Variants in ZFYVE28 observed in about 807,000 individuals in gnomAD.
The protein encoded by ZFYVE28 is lateral signaling target protein 2 homolog.
In ZFYVE28, 40 loss-of-function variants were observed where a neutral mutation model predicts 82.1. The ratio of observed to expected loss-of-function variants is 0.49; its 90% CI spans 0.38 to 0.63. The LOEUF (loss-of-function observed/expected upper bound fraction) is 0.63. ZFYVE28 is among the 30% of genes least tolerant of loss of function. ZFYVE28 has a pLI of 0.00. For synonymous variants in ZFYVE28, 612 were observed against 546.1 expected, an observed-to-expected ratio of 1.12 and a Z score of -1.68; for missense variants, 1,321 against 1,242.1, an observed-to-expected ratio of 1.06 and a Z score of -0.96.
chr4:2,303,018 G>A (rs187960218), intron 8 of ZFYVE28, among the ~76,000 whole-genome samples: 1 of 152,314 alleles, frequency 6.6e-6, no homozygotes, highest in East Asian at 1.9e-4. Context: ...ACGTGAATGT[G>A]TTAACAGGAA....
intron 7 of ZFYVE28, among the ~76,000 whole-genome samples, chr4:2,310,831 CT>C (rs1036429146): frequency 6.6e-6 from 1 of 152,034 alleles, no homozygotes; most frequent in Non-Finnish European, 1.5e-5. Flanking sequence ...TAGAAAATGT[CT>C]TTTTTTCTAT....
chr4:2,403,335 C>G (rs35802140), intron 1 of ZFYVE28, among the ~76,000 whole-genome samples: 14,405 of 152,312 alleles, frequency 0.095, 748 homozygotes, highest in East Asian at 0.12. Flanking sequence ...GCGTGGGAAG[C>G]AGTGCGTGGA....
intron 8 of ZFYVE28, among the ~76,000 whole-genome samples, chr4:2,296,491 GA>G (rs924264854): frequency 6.6e-6 from 1 of 152,166 alleles, no homozygotes; most frequent in African/African-American, 2.4e-5. Context: ...TGTTTTTCAA[GA>G]GTCTAATTAA....
intron 1 of ZFYVE28, chr4:2,364,401 C>T (rs1726583085): frequency 4.1e-6 from 4 of 977,010 alleles, no homozygotes; most frequent in South Asian, 9.5e-5. Flanking sequence ...AAGGGCACAG[C>T]CCCCCACCTC....
intron 1 of ZFYVE28, among the ~76,000 whole-genome samples, chr4:2,407,766 T>G (rs1732079545): frequency 6.6e-6 from 1 of 152,156 alleles, no homozygotes; most frequent in Non-Finnish European, 1.5e-5. Flanking sequence ...TTTTGTATTT[T>G]TAGTAGAAAC....
At chr4:2,391,296 T>G (rs1268150956) in intron 1 of ZFYVE28, among the ~76,000 whole-genome samples, 2 of 152,062 alleles carry the variant, frequency 1.3e-5, no homozygotes, top group Non-Finnish European at 2.9e-5. Context: ...CAGCCCACCC[T>G]GAGCTCTCCC....
intron 1 of ZFYVE28, among the ~76,000 whole-genome samples, chr4:2,398,929 GCGGGGGCAAGATCGAGGGCACAA>G (rs1730804122): frequency 8.4e-6 from 1 of 119,410 alleles, no homozygotes; most frequent in Non-Finnish European, 1.8e-5. Flanking sequence ...CAGGGCACAA[GCGGGGGCAAGATCGAGGGCACAA>G]GGGGGGTGTG....
chr4:2,387,559 G>A (rs1019233591), intron 1 of ZFYVE28, among the ~76,000 whole-genome samples: 3 of 152,200 alleles, frequency 2.0e-5, no homozygotes, highest in East Asian at 3.9e-4. Flanking sequence ...TCCAGGGAGA[G>A]CACAGAGGAG....
At chr4:2,359,521 A>G (rs1725819554) in intron 1 of ZFYVE28, among the ~76,000 whole-genome samples, 1 of 152,160 alleles carries the variant, frequency 6.6e-6, no homozygotes, top group South Asian at 2.1e-4. Context: ...AGAAGAGGAA[A>G]TATGGACACA....
intron 6 of ZFYVE28, chr4:2,328,913 T>C: frequency 2.4e-6 from 1 of 421,152 alleles, no homozygotes; most frequent in African/African-American, 2.0e-5. Flanking sequence ...CTTGGCCCCC[T>C]TGTCAATAAT....
chr4:2,401,281 G>A (rs1266463894), intron 1 of ZFYVE28, among the ~76,000 whole-genome samples: 3 of 152,204 alleles, frequency 2.0e-5, no homozygotes, highest in Non-Finnish European at 4.4e-5. Flanking sequence ...CAAGGGGGAG[G>A]TGCCGATTCA....
intron 8 of ZFYVE28, among the ~76,000 whole-genome samples, chr4:2,291,488 C>T (rs1713690272): frequency 1.3e-5 from 2 of 152,184 alleles, no homozygotes; most frequent in South Asian, 4.1e-4. Flanking sequence ...AGCCAAAGCC[C>T]CCGCTTCCAC....
rs1370203704 is a variant in ZFYVE28, at chr4:2,350,395, C to T, written c.180+3538G>A. Among the ~76,000 whole-genome samples, 23 of 150,858 alleles carry T rather than the reference C, an allele frequency of 1.5e-4. 1 individual carries two copies. The highest frequency in any genetic ancestry group is 3.9e-4 in the East Asian group (2 of 5,110). On this transcript the variant is annotated intron_variant, in intron 2 of 12. Coordinates refer to ENST00000290974, the MANE Select transcript of ZFYVE28 (RefSeq NM_020972.3). Reference sequence around the variant, plus strand: ...AGGAGAATGGTGTGAACCTGGGAGGCGGAACTTGGACTGAGCCGAGATCGC... The same window carrying T: ...AGGAGAATGGTGTGAACCTGGGAGGTGGAACTTGGACTGAGCCGAGATCGC...
chr4:2,354,912 G>A (rs3135131), intron 1 of ZFYVE28, among the ~76,000 whole-genome samples: 132,462 of 151,820 alleles, frequency 0.87, 58,118 homozygotes, highest in African/African-American at 0.97. Context: ...ACTTCTCTAG[G>A]AACTTCACAG....
rs543425471 is a variant in ZFYVE28, at chr4:2,298,119, T to G, written c.2051+6170A>C. ...ACAGTGGGGTGACACGGTGACACAG[T>G]GACACGGCGGGCTGTGCTGGGAGGA... On this transcript the variant is annotated intron_variant, in intron 8 of 12. Coordinates refer to ENST00000290974, the MANE Select transcript of ZFYVE28 (RefSeq NM_020972.3). Among the ~76,000 whole-genome samples, 718 of 136,802 alleles carry G rather than the reference T, an allele frequency of 5.2e-3. 5 individuals carry two copies. The highest frequency in any genetic ancestry group is 0.02 in the African/African-American group (691 of 35,180). The allele number at this position is 136,802 out of a possible 152,430, so 89.7% of individuals were successfully genotyped here.
At chr4:2,324,012 T>C (rs947327178) in intron 6 of ZFYVE28, among the ~76,000 whole-genome samples, 2 of 152,202 alleles carry the variant, frequency 1.3e-5, no homozygotes, top group African/African-American at 4.8e-5. Flanking sequence ...GTGGTGGTGC[T>C]TTTGATGTCA....
chr4:2,302,098 G>A (rs1399686340), intron 8 of ZFYVE28, among the ~76,000 whole-genome samples: 3 of 152,252 alleles, frequency 2.0e-5, no homozygotes, highest in Admixed American at 6.5e-5. Flanking sequence ...CGAGGTGGGG[G>A]CGAGTGCTTG....
At chr4:2,337,545 C>T (rs908563940) in intron 4 of ZFYVE28, 49 bp from the exon 5 acceptor site, 6 of 1,506,532 alleles carry the variant, frequency 4.0e-6, no homozygotes, top group Admixed American at 4.0e-5. Flanking sequence ...TGTGGCGGGG[C>T]CCCTCCAAAA....
chr4:2,279,197 C>G (rs1039294161), intron 8 of ZFYVE28, among the ~76,000 whole-genome samples: 1 of 152,174 alleles, frequency 6.6e-6, no homozygotes, highest in African/African-American at 2.4e-5. Flanking sequence ...TGTGGGAGGC[C>G]GAGGCGAGAG....
Sources: allele counts gnomAD v4.1 joint callset (sites outside exome capture counted in the v4.1 genomes callset), GRCh38; gene constraint gnomAD v4.1.1; transcripts MANE v1.5; gene names NCBI Gene and HGNC (gene_info 2026-07-23, HGNC 2026-07-21).